The following AJAP1 variants were observed in gnomAD, a reference collection of about 807,000 sequenced individuals.
AJAP1 encodes adherens junctions associated protein 1.
Under a neutral mutation model 35.0 loss-of-function variants are expected in AJAP1, and 5 were observed. The observed-to-expected ratio is 0.14, with a 90% confidence interval of 0.07 to 0.30. The LOEUF (loss-of-function observed/expected upper bound fraction) is 0.30, where lower values mean the gene tolerates loss of function less well. AJAP1 is among the 10% of genes least tolerant of loss of function. The pLI is 1.00. For missense variants in AJAP1, 586 were observed against 571.0 expected (o/e 1.03, Z -0.27); for synonymous variants, 284 against 249.3 (o/e 1.14, Z -1.31).
chr1:4,729,103 A>G (rs538813945), intron 2 of AJAP1, among the ~76,000 whole-genome samples: 1 of 152,320 alleles, frequency 6.6e-6, no homozygotes, highest in Non-Finnish European at 1.5e-5. Context: ...TGAATTATAC[A>G]TCAACACCAA....
intron 2 of AJAP1, among the ~76,000 whole-genome samples, chr1:4,742,378 G>A (rs1641090016): frequency 6.6e-6 from 1 of 152,152 alleles, no homozygotes; most frequent in African/African-American, 2.4e-5. Flanking sequence ...TCAAAATTGA[G>A]GGACATTCTA....
In AJAP1 at chr1:4,692,165, C is replaced by T. The variant is rs546820467; in HGVS notation, c.30-19735C>T. ...CGCCTTCTCGAGGGTTAGGAGTCAG[C>T]CCCGCTTAATAGGTGAGGAAACTTA... On this transcript the variant is annotated intron_variant, in intron 1 of 5. Transcript: ENST00000378191. The surrounding 1 kb of genome is among the most constrained non-coding windows in gnomAD (Gnocchi z 4.4). Among the ~76,000 whole-genome samples, 115 of 152,264 alleles carry T rather than the reference C, an allele frequency of 7.6e-4. No individual in the cohort carries two copies. The highest frequency in any genetic ancestry group is 2.7e-3 in the African/African-American group (113 of 41,560).
Position 4,767,019 on chromosome 1 carries a change from C to T in AJAP1, c.830-2834C>T, listed in dbSNP as rs151167097. Among the ~76,000 whole-genome samples the T allele has an allele frequency of 4.3e-3, 649 of 152,172 alleles. 5 individuals carry two copies. Among genetic ancestry groups the T allele is most frequent in the Non-Finnish European group, 3.2e-3 (219 of 68,022 alleles). On this transcript the variant is annotated intron_variant, in intron 2 of 5. Coordinates refer to ENST00000378191, the MANE Select transcript of AJAP1 (RefSeq NM_018836.4). ...CCAGACCCTCTTAGCTGGTGATTAG[C>T]CCATAATGCACCCTTCACGTTTTAA... is the stretch of plus-strand genomic sequence containing the variant.
chr1:4,757,410 G>T (rs547042845), intron 2 of AJAP1, among the ~76,000 whole-genome samples: 3 of 152,316 alleles, frequency 2.0e-5, no homozygotes, highest in African/African-American at 7.2e-5. Context: ...TCAGTCTCCC[G>T]TGGGCTGGGC....
chr1:4,729,289 CGAG>C (rs1640746248), intron 2 of AJAP1, among the ~76,000 whole-genome samples: 1 of 152,054 alleles, frequency 6.6e-6, no homozygotes, highest in South Asian at 2.1e-4. Context: ...GCCCGAGTCT[CGAG>C]GGCGTCACTC....
At chr1:4,760,423 T>G (rs1213696741) in intron 2 of AJAP1, among the ~76,000 whole-genome samples, 2 of 152,098 alleles carry the variant, frequency 1.3e-5, no homozygotes, top group East Asian at 3.9e-4. Context: ...TCATGCATGC[T>G]TTGGAAGCTG....
intron 2 of AJAP1, among the ~76,000 whole-genome samples, chr1:4,764,720 G>A (rs1354782129): frequency 6.6e-6 from 1 of 152,134 alleles, no homozygotes; most frequent in African/African-American, 2.4e-5. Flanking sequence ...GCTGTGATAC[G>A]CACAGCAATG....
chr1:4,772,652 C>A (rs1377684993), intron 4 of AJAP1, 127 bp downstream of exon 4: 2 of 1,371,222 alleles, frequency 1.5e-6, no homozygotes, highest in African/African-American at 1.4e-5. Flanking sequence ...CTTTGAGGGG[C>A]CCAGCCAAGG....
At chr1:4,674,460 C>T (rs542777493) in intron 1 of AJAP1, among the ~76,000 whole-genome samples, 3 of 152,340 alleles carry the variant, frequency 2.0e-5, no homozygotes, top group South Asian at 4.1e-4. Flanking sequence ...TGACAGAAAA[C>T]GGCCTGCAAA....
chr1:4,737,495 C>T lies in AJAP1; in HGVS notation c.829+24796C>T, dbSNP rs188180933. Among the ~76,000 whole-genome samples the T allele has an allele frequency of 1.3e-3, 201 of 151,868 alleles. 2 individuals carry two copies. The highest frequency in any genetic ancestry group is 4.8e-3 in the African/African-American group (197 of 41,422). The stretch of plus-strand genomic sequence containing the variant: ...AGCAGAGACGGGAGCCCCCCCGAGA[C>T]GGAAGCCCCCCGAGATCTGCGAGCT... On this transcript the variant is annotated intron_variant, in intron 2 of 5. Coordinates refer to ENST00000378191, the MANE Select transcript of AJAP1 (RefSeq NM_018836.4).
chr1:4,722,180 C>A (rs557830939), intron 2 of AJAP1, among the ~76,000 whole-genome samples: 1 of 152,068 alleles, frequency 6.6e-6, no homozygotes, highest in African/African-American at 2.4e-5. Flanking sequence ...TGGTTGCATG[C>A]GGGGGAACTT....
chr1:4,725,243 C>T (rs1171828411), intron 2 of AJAP1, among the ~76,000 whole-genome samples: 1 of 152,164 alleles, frequency 6.6e-6, no homozygotes, highest in Non-Finnish European at 1.5e-5. Flanking sequence ...GTTTCAAGTT[C>T]CCTGGAATAG....
chr1:4,674,830 G>A (rs769907042), intron 1 of AJAP1, among the ~76,000 whole-genome samples: 1 of 152,238 alleles, frequency 6.6e-6, no homozygotes, highest in Non-Finnish European at 1.5e-5. Flanking sequence ...CCATGCAAAC[G>A]AAAGCCTTGC....
intron 2 of AJAP1, among the ~76,000 whole-genome samples, chr1:4,767,246 C>G (rs1419806791): frequency 6.6e-6 from 1 of 151,994 alleles, no homozygotes; most frequent in Non-Finnish European, 1.5e-5. Flanking sequence ...TCACCATCAC[C>G]ATTATCATAT....
In AJAP1 at chr1:4,664,031, T is replaced by C. The variant is rs56325288; in HGVS notation, c.29+8577T>C. On this transcript the variant is annotated intron_variant, in intron 1 of 5. Coordinates refer to ENST00000378191, the MANE Select transcript of AJAP1 (RefSeq NM_018836.4). Reference sequence around the variant, plus strand: ...ATGACACTTACTATGTAGCAGGCACTGTTCTATGCCCGTGCCGTATCTTAA... The same window carrying C: ...ATGACACTTACTATGTAGCAGGCACCGTTCTATGCCCGTGCCGTATCTTAA... 6.6e-3 allele frequency among the ~76,000 whole-genome samples: 1,012 copies of C among 152,306 alleles called. 15 individuals are homozygous for C. The highest frequency in any genetic ancestry group is 0.024 in the African/African-American group (982 of 41,558).
chr1:4,776,074 C>T (rs1034298156), intron 5 of AJAP1, among the ~76,000 whole-genome samples: 1 of 152,214 alleles, frequency 6.6e-6, no homozygotes, highest in African/African-American at 2.4e-5. Flanking sequence ...GCCTTAGAGT[C>T]GAAGACCCTC....
chr1:4,737,114 C>T, intron 2 of AJAP1, among the ~76,000 whole-genome samples: 1 of 152,224 alleles, frequency 6.6e-6, no homozygotes, highest in East Asian at 1.9e-4. Flanking sequence ...GCATCGCGAG[C>T]AAAGTGGGAT....
At chr1:4,690,415 C>T (rs1283074244) in intron 1 of AJAP1, among the ~76,000 whole-genome samples, 1 of 152,196 alleles carries the variant, frequency 6.6e-6, no homozygotes, top group Non-Finnish European at 1.5e-5. Context: ...CCACTGGCAG[C>T]CCCCACAGCT....
chr1:4,676,981 A>T (rs1416161791), intron 1 of AJAP1, among the ~76,000 whole-genome samples: 2 of 152,082 alleles, frequency 1.3e-5, no homozygotes, highest in Non-Finnish European at 2.9e-5. Flanking sequence ...ACATGGTGAA[A>T]CCCCGTCTCT....
Sources: allele counts gnomAD v4.1 joint callset (sites outside exome capture counted in the v4.1 genomes callset), GRCh38; gene constraint gnomAD v4.1.1; non-coding constraint Gnocchi (gnomAD v3.1); transcripts MANE v1.5; gene names NCBI Gene and HGNC (gene_info 2026-07-23, HGNC 2026-07-21).